The following NSD1 variants were observed in gnomAD, a reference collection of about 807,000 sequenced individuals.
NSD1 encodes nuclear receptor binding SET domain protein 1.
A neutral mutation model predicts 242.7 loss-of-function variants in NSD1; 26 were observed. That is an observed-to-expected ratio of 0.11 (90% CI 0.08 to 0.15). The LOEUF (loss-of-function observed/expected upper bound fraction) is 0.15. NSD1 is among the 10% of genes least tolerant of loss of function. The probability of loss-of-function intolerance (pLI) is 1.00; values close to 1 mark genes in which losing one functional copy is unlikely to be tolerated. For missense variants in NSD1, 2,495 were observed against 3,272.8 expected, an observed-to-expected ratio of 0.76 and a Z score of 5.80; for synonymous variants, 1,106 against 1,178.1, an observed-to-expected ratio of 0.94 and a Z score of 1.25.
At chr5:177,254,401 T>C (rs898877313) in intron 12 of NSD1, among the ~76,000 whole-genome samples, 2 of 152,094 alleles carry the variant, frequency 1.3e-5, no homozygotes, top group African/African-American at 4.8e-5. Context: ...CGTTGTTGTT[T>C]TTTTTCTTTT....
intron 11 of NSD1, among the ~76,000 whole-genome samples, chr5:177,249,920 T>C (rs1755786683): frequency 6.6e-6 from 1 of 152,188 alleles, no homozygotes; most frequent in Non-Finnish European, 1.5e-5. Flanking sequence ...ACCCTGTCTC[T>C]GCCAAAAATA....
intron 4 of NSD1, among the ~76,000 whole-genome samples, chr5:177,205,022 T>C (rs1372779661): frequency 6.6e-6 from 1 of 152,098 alleles, no homozygotes; most frequent in Non-Finnish European, 1.5e-5. Flanking sequence ...GAGAATAATG[T>C]GGTTTTTTTG....
intron 2 of NSD1, among the ~76,000 whole-genome samples, chr5:177,151,519 G>C (rs2149777380): frequency 6.6e-6 from 1 of 151,424 alleles, no homozygotes; most frequent in East Asian, 2.0e-4. Flanking sequence ...CTCCCGACTA[G>C]CTGGGATTAC....
At chr5:177,168,280 G>C (rs1038304614) in intron 2 of NSD1, among the ~76,000 whole-genome samples, 2 of 151,916 alleles carry the variant, frequency 1.3e-5, no homozygotes, top group South Asian at 4.1e-4. Context: ...CTTTATGATA[G>C]GGTTTACTGG....
intron 17 of NSD1, among the ~76,000 whole-genome samples, chr5:177,280,273 G>C (rs1247859109): frequency 6.6e-6 from 1 of 151,472 alleles, no homozygotes; most frequent in East Asian, 1.9e-4. Flanking sequence ...CACCGTACCT[G>C]GCTCGTATTT....
chr5:177,281,482 T>TG (rs1358467826), intron 18 of NSD1, among the ~76,000 whole-genome samples: 1 of 152,100 alleles, frequency 6.6e-6, no homozygotes, highest in African/African-American at 2.4e-5. Flanking sequence ...CCAGGTATTG[T>TG]GCTGGGGATG....
Position 177,191,893 on chromosome 5 carries a change from A to G in NSD1, c.937A>G (p.Lys313Glu). The change falls in exon 3 of 23, where the codon AAG becomes GAG. Residue 313 changes from lysine to glutamate, a missense_variant. This residue lies in a region of NSD1 where 376 missense variants were observed against 367.4 expected (regional missense o/e 1.02). Coordinates refer to ENST00000439151, the MANE Select transcript of NSD1 (RefSeq NM_022455.5). ...TSQELPFCQP[K>E]KKSTPLKYEV... ...TTTTGTCTGTCTAAAGTGTCAACCTAAGAAAAAGTCTACGCCACTGAAGTA... is the reference window on the plus strand; with the variant it reads ...TTTTGTCTGTCTAAAGTGTCAACCTGAGAAAAAGTCTACGCCACTGAAGTA... 6.2e-7 allele frequency: 1 copy of G among 1,614,098 alleles called. No homozygotes were observed. Among genetic ancestry groups the G allele is most frequent in the Non-Finnish European group, 8.5e-7 (1 of 1,179,986 alleles).
At chr5:177,278,158 C>T (rs1758551634) in intron 17 of NSD1, among the ~76,000 whole-genome samples, 1 of 152,220 alleles carries the variant, frequency 6.6e-6, no homozygotes, top group South Asian at 2.1e-4. Flanking sequence ...GTGAGACCTA[C>T]ATCCATTTTC....
At chr5:177,170,864 C>G (rs755408319) in intron 2 of NSD1, among the ~76,000 whole-genome samples, 9 of 151,868 alleles carry the variant, frequency 5.9e-5, no homozygotes, top group Non-Finnish European at 1.2e-4. Flanking sequence ...TCTTTCTCTC[C>G]CTTTGAATTT....
rs1756156174 is a variant in NSD1, at chr5:177,134,665, G to T, written c.-17-422G>T. On this transcript the variant is annotated intron_variant, in intron 1 of 22. Transcript: ENST00000439151. The surrounding 1 kb of genome is among the most constrained non-coding windows in gnomAD (Gnocchi z 4.2). ...TGCGCCCTAGCGAGCCAGGAAGGGG[G>T]GGGTACCTTTTTGTGCAGGGTCCAG... 1.3e-5 allele frequency among the ~76,000 whole-genome samples: 2 copies of T among 152,212 alleles called. No individual in the cohort carries two copies. The highest frequency in any genetic ancestry group is 4.8e-5 in the African/African-American group (2 of 41,462).
At chr5:177,265,488 G>T in intron 14 of NSD1, 1 of 643,080 alleles carries the variant, frequency 1.6e-6, no homozygotes, top group Non-Finnish European at 2.7e-6. Context: ...GGGGAGGGAG[G>T]GAGAGAGAGA....
intron 16 of NSD1, among the ~76,000 whole-genome samples, chr5:177,271,647 G>T (rs1757950638): frequency 6.6e-6 from 1 of 152,164 alleles, no homozygotes; most frequent in African/African-American, 2.4e-5. Context: ...TCCTGAGTTA[G>T]CAACCTCCAA....
intron 2 of NSD1, among the ~76,000 whole-genome samples, chr5:177,162,552 T>C (rs1392896034): frequency 6.6e-6 from 1 of 152,234 alleles, no homozygotes; most frequent in African/African-American, 2.4e-5. Flanking sequence ...TGTGTCACCA[T>C]GCTTTTGTAG....
intron 2 of NSD1, among the ~76,000 whole-genome samples, 199 bp from the exon 3 acceptor site, chr5:177,191,685 G>A (rs1364009650): frequency 6.6e-6 from 1 of 152,066 alleles, no homozygotes; most frequent in Admixed American, 6.6e-5. Flanking sequence ...TATAAGTTGA[G>A]AACTATGTAT....
At chr5:177,228,415 C>T (rs1415539165) in intron 5 of NSD1, among the ~76,000 whole-genome samples, 1 of 151,878 alleles carries the variant, frequency 6.6e-6, no homozygotes, top group East Asian at 1.9e-4. Context: ...CGGGATTTTG[C>T]CATGTTGGCT....
At chr5:177,156,659 ACAAT>A (rs907881368) in intron 2 of NSD1, among the ~76,000 whole-genome samples, 2 of 152,144 alleles carry the variant, frequency 1.3e-5, no homozygotes, top group Non-Finnish European at 2.9e-5. Context: ...TTCATGAAAA[ACAAT>A]CAAGCTAATA....
intron 21 of NSD1, 140 bp from the exon 22 acceptor site, chr5:177,291,814 A>G (rs1759853732): frequency 2.5e-6 from 2 of 815,654 alleles, no homozygotes; most frequent in Admixed American, 2.0e-5. Flanking sequence ...GTGATGTACC[A>G]GGTACCTTTC....
chr5:177,225,229 G>A lies in NSD1; in HGVS notation c.3797-10592G>A, dbSNP rs150747388. Among the ~76,000 whole-genome samples, 647 of 150,840 alleles carry A rather than the reference G, an allele frequency of 4.3e-3. 3 individuals carry two copies. The highest frequency in any genetic ancestry group is 0.014 in the African/African-American group (591 of 41,014). On this transcript the variant is annotated intron_variant, in intron 5 of 22. Transcript: ENST00000439151. ...GTGATCTCGGCTCACTGCATCCTCT[G>A]CCTCCCGGGTTCAAGTGATTCTCCT...
intron 11 of NSD1, among the ~76,000 whole-genome samples, chr5:177,248,571 G>A (rs1482125500): frequency 3.3e-5 from 5 of 152,148 alleles, no homozygotes; most frequent in African/African-American, 9.7e-5. Context: ...CGCGAAACAA[G>A]TCTGAGATGG....
Sources: gnomAD v4.1 joint callset for allele counts (sites outside exome capture counted in the v4.1 genomes callset) on GRCh38, gnomAD v4.1.1 for gene constraint, gnomAD v4.1.1 regional missense constraint, Gnocchi (gnomAD v3.1) non-coding constraint, MANE v1.5 for transcripts, NCBI Gene and HGNC (gene_info 2026-07-23, HGNC 2026-07-21) for gene names.